TANK: variants seen among roughly 807,000 people sequenced by gnomAD.
TANK encodes TRAF family member associated NFKB activator.
A neutral mutation model predicts 43.6 loss-of-function variants in TANK; 15 were observed. That is an observed-to-expected ratio of 0.34 (90% CI 0.23 to 0.53). The LOEUF (loss-of-function observed/expected upper bound fraction) is 0.53. Among genes scored for constraint, TANK ranks in the 20% least tolerant of loss-of-function variants. TANK has a pLI of 0.94. For synonymous variants in TANK, 162 were observed against 178.2 expected, an observed-to-expected ratio of 0.91 and a Z score of 0.73; for missense variants, 417 against 498.6, an observed-to-expected ratio of 0.84 and a Z score of 1.56.
intron 2 of TANK, among the ~76,000 whole-genome samples, chr2:161,188,711 G>A (rs1685777419): frequency 6.6e-6 from 1 of 152,138 alleles, no homozygotes; most frequent in South Asian, 2.1e-4. Context: ...GACACTATTA[G>A]AAAAGAAAAC....
In TANK at chr2:161,235,801, TTATG is replaced by T. The variant is rs895073413; in HGVS notation, c.*289_*292del. 13 of 206,940 alleles carry T rather than the reference TTATG, an allele frequency of 6.3e-5. No individual in the cohort carries two copies. Among genetic ancestry groups the T allele is most frequent in the East Asian group, 1.1e-4 (1 of 9,176 alleles). 12.8% of individuals were successfully genotyped at this position (206,940 alleles called of 1,614,324 possible). A position where few individuals can be genotyped will look rare whatever the true frequency, so the allele number is the denominator to read the frequency against. Reference sequence around the variant, plus strand: ...ACAGTGCTATTACTATAATTCAAAATTATGTATGTGACTTAGAGTTATATAATCA... The same window carrying T: ...ACAGTGCTATTACTATAATTCAAAATTATGTGACTTAGAGTTATATAATCA... On this transcript the variant is annotated 3_prime_UTR_variant, in exon 8 of 8. Transcript: ENST00000392749.
At chr2:161,188,762 A>C (rs1685780339) in intron 2 of TANK, among the ~76,000 whole-genome samples, 1 of 152,190 alleles carries the variant, frequency 6.6e-6, no homozygotes, top group Non-Finnish European at 1.5e-5. Context: ...TATGGTTTGA[A>C]TGTTTGTCGC....
At chr2:161,213,188 G>GC (rs1268495396) in intron 4 of TANK, among the ~76,000 whole-genome samples, 1 of 152,044 alleles carries the variant, frequency 6.6e-6, no homozygotes, top group Non-Finnish European at 1.5e-5. Context: ...CTCCCATTAG[G>GC]CCCCACCTCC....
chr2:161,201,030 G>A lies in TANK; in HGVS notation c.100-2457G>A, dbSNP rs532970314. 10 of 891,824 alleles carry A rather than the reference G, an allele frequency of 1.1e-5. No individual in the cohort carries two copies. The South Asian group carries it at 3.1e-4, about 28-fold the overall frequency. 55.2% of individuals were successfully genotyped at this position (891,824 alleles called of 1,614,324 possible). On this transcript the variant is annotated intron_variant, in intron 2 of 7. Coordinates refer to ENST00000392749, the MANE Select transcript of TANK (RefSeq NM_001199135.3). ...TACCCTTGAGGAGTTCAGTCTAGAG[G>A]GAAATCAGACATTAGACAATTAGAC...
intron 2 of TANK, among the ~76,000 whole-genome samples, chr2:161,189,940 T>C (rs955692732): frequency 2.0e-5 from 3 of 152,158 alleles, no homozygotes; most frequent in African/African-American, 7.2e-5. Flanking sequence ...ACTTTTTGCG[T>C]ATGACACTGA....
At chr2:161,139,809 A>C (rs1414451856) in intron 1 of TANK, 57 of 985,302 alleles carry the variant, frequency 5.8e-5, no homozygotes, top group Non-Finnish European at 6.7e-5. Flanking sequence ...CAAATAAACA[A>C]AGCAGCTATT....
At position 161,235,655 on chromosome 2, in the gene TANK, G is replaced by A. The variant is rs1404169146; in HGVS notation, c.*137G>A. On this transcript the variant is annotated 3_prime_UTR_variant, in exon 8 of 8. Coordinates refer to ENST00000392749, the MANE Select transcript of TANK (RefSeq NM_001199135.3). ...TCACAGCTATTTGAATTTTTTTCTGGATTTACTATATAACTCTTATTTTTT... is the reference window on the plus strand; with the variant it reads ...TCACAGCTATTTGAATTTTTTTCTGAATTTACTATATAACTCTTATTTTTT... 1 of 639,308 alleles carries A rather than the reference G, an allele frequency of 1.6e-6. No homozygotes were observed. Among genetic ancestry groups the A allele is most frequent in the East Asian group, 3.2e-5 (1 of 31,290 alleles). The allele number at this position is 639,308 out of a possible 1,614,324, so 39.6% of individuals were successfully genotyped here.
At chr2:161,188,043 A>C (rs1685743383) in intron 2 of TANK, among the ~76,000 whole-genome samples, 2 of 152,210 alleles carry the variant, frequency 1.3e-5, no homozygotes, top group African/African-American at 2.4e-5. Flanking sequence ...CAAAACTTCT[A>C]GGATGCAGTA....
intron 4 of TANK, among the ~76,000 whole-genome samples, chr2:161,213,599 C>CAAAA: frequency 1.8e-5 from 1 of 54,642 alleles, no homozygotes; most frequent in South Asian, 6.4e-4. Flanking sequence ...GACTTTGTCT[C>CAAAA]AAAAAAAAAA....
At chr2:161,171,366 C>T (rs1052068604) in intron 1 of TANK, among the ~76,000 whole-genome samples, 3 of 152,162 alleles carry the variant, frequency 2.0e-5, no homozygotes, top group African/African-American at 7.2e-5. Flanking sequence ...AAATGGAGAT[C>T]CGGAAATCTC....
In TANK at chr2:161,235,349, G is replaced by T; in HGVS notation, c.1109G>T (p.Trp370Leu). Residue 370 changes from tryptophan to leucine, a missense_variant, in exon 8 of 8, where the codon TGG becomes TTG. Transcript: ENST00000392749. ...KAIRGPQQPIWKPFPNQDSDS... is the reference protein window; with the variant it reads ...KAIRGPQQPILKPFPNQDSDS... ...TTTGTTTGTTTCCTGCAGCCCATTTGGAAGCCCTTTCCTAATCAAGACAGT... is the reference window on the plus strand; with the variant it reads ...TTTGTTTGTTTCCTGCAGCCCATTTTGAAGCCCTTTCCTAATCAAGACAGT... 6.3e-7 allele frequency: 1 copy of T among 1,589,040 alleles called. No homozygotes were observed. Among genetic ancestry groups the T allele is most frequent in the South Asian group, 1.1e-5 (1 of 87,832 alleles).
At chr2:161,198,471 G>T (rs1018888652) in intron 2 of TANK, among the ~76,000 whole-genome samples, 2 of 152,228 alleles carry the variant, frequency 1.3e-5, no homozygotes, top group Non-Finnish European at 2.9e-5. Context: ...CTGGTCTGGG[G>T]TCTTGGGATG....
At chr2:161,220,796 T>C (rs1687308327) in intron 4 of TANK, among the ~76,000 whole-genome samples, 2 of 152,216 alleles carry the variant, frequency 1.3e-5, no homozygotes, top group South Asian at 4.1e-4. Flanking sequence ...AAGGAAAATG[T>C]ACATTTCTTT....
rs542629737 is a variant in TANK at position 161,203,869 on chromosome 2, A to T, written c.208+274A>T. On this transcript the variant is annotated intron_variant, in intron 3 of 7. Coordinates refer to ENST00000392749, the MANE Select transcript of TANK (RefSeq NM_001199135.3). ...AATAGCAGCAAAAGCTTTTGAAAACATCTATGCCTTTTGAACCAAAAACTC... is the reference window on the plus strand; with the variant it reads ...AATAGCAGCAAAAGCTTTTGAAAACTTCTATGCCTTTTGAACCAAAAACTC... 7.2e-5 allele frequency among the ~76,000 whole-genome samples: 11 copies of T among 152,306 alleles called. No homozygotes were observed. In the South Asian group the frequency reaches 2.3e-3, roughly 32 times the overall value.
intron 4 of TANK, chr2:161,212,721 C>T (rs1324019295): frequency 1.0e-6 from 1 of 985,214 alleles, no homozygotes; most frequent in Non-Finnish European, 1.2e-6. Context: ...TCAAAGCACA[C>T]AGAATAGAGT....
At chr2:161,197,680 CTG>C (rs1390450218) in intron 2 of TANK, among the ~76,000 whole-genome samples, 1 of 152,086 alleles carries the variant, frequency 6.6e-6, no homozygotes, top group Admixed American at 6.6e-5. Context: ...GAGATGAACA[CTG>C]TGTTCTCATA....
At chr2:161,188,921 C>A (rs1443751892) in intron 2 of TANK, among the ~76,000 whole-genome samples, 1 of 152,212 alleles carries the variant, frequency 6.6e-6, no homozygotes, top group Non-Finnish European at 1.5e-5. Context: ...GCTGCCCTTT[C>A]TCTTTGCTCT....
upstream of TANK, among the ~76,000 whole-genome samples, chr2:161,156,637 GC>G (rs1684234111): frequency 6.9e-6 from 1 of 145,612 alleles, no homozygotes; most frequent in Admixed American, 7.1e-5. Flanking sequence ...TTGGTTCTTG[GC>G]TCTTCTCATT....
chr2:161,203,452 G>T lies in TANK; in HGVS notation c.100-35G>T. On this transcript the variant is annotated intron_variant, in intron 2 of 7. Transcript: ENST00000392749. The stretch of plus-strand genomic sequence containing the variant: ...GGTAAATATATGTTCATGTCTATCA[G>T]TGAATATCAGGCTAACTGGTTTTTA... 4 of 1,401,860 alleles carry T rather than the reference G, an allele frequency of 2.9e-6. No homozygotes were observed. The South Asian group carries it at 3.6e-5, about 13-fold the overall frequency. 86.8% of individuals were successfully genotyped at this position (1,401,860 alleles called of 1,614,324 possible). A position where few individuals can be genotyped will look rare whatever the true frequency, so the allele number is the denominator to read the frequency against.
Sources: gnomAD v4.1 joint callset for allele counts (sites outside exome capture counted in the v4.1 genomes callset) on GRCh38, gnomAD v4.1.1 for gene constraint, MANE v1.5 for transcripts, NCBI Gene and HGNC (gene_info 2026-07-23, HGNC 2026-07-21) for gene names.